Variants in DSG3 observed in about 807,000 individuals in gnomAD.
DSG3 encodes the protein desmoglein 3.
Under a neutral mutation model 85.9 loss-of-function variants are expected in DSG3, and 63 were observed. The observed-to-expected ratio is 0.73, with a 90% CI of 0.60 to 0.90. The LOEUF (loss-of-function observed/expected upper bound fraction) is 0.90, where lower values mean the gene tolerates loss of function less well. DSG3 is among the 40% of genes least tolerant of loss of function. The probability of loss-of-function intolerance (pLI) is 0.00; values close to 1 mark genes in which losing one functional copy is unlikely to be tolerated. For missense variants in DSG3, 1,220 were observed against 1,219.9 expected, an observed-to-expected ratio of 1.00 and a Z score of 0.00; for synonymous variants, 447 against 441.9, an observed-to-expected ratio of 1.01 and a Z score of -0.14.
chr18:31,456,625 TAAC>T (rs1444697209), intron 2 of DSG3, 150 bp downstream of exon 2: 7 of 432,098 alleles, frequency 1.6e-5, no homozygotes, highest in East Asian at 3.8e-5. Flanking sequence ...TAATAACTGA[TAAC>T]AATATTTTAA....
At position 31,461,300 on chromosome 18, in the gene DSG3, A is replaced by G. The variant is rs763582348; in HGVS notation, c.887A>G (p.Glu296Gly). 10 of 1,613,518 alleles carry G rather than the reference A, an allele frequency of 6.2e-6. No individual in the cohort carries two copies. The highest frequency in any genetic ancestry group is 6.8e-6 in the Non-Finnish European group (8 of 1,179,704). Residue 296 changes from glutamate (E) to glycine (G), a missense_variant, in exon 8 of 16, where the codon GAG (glutamate) becomes GGG (glycine). By Grantham distance (98) the Glu-to-Gly change is moderately conservative. Transcript: ENST00000257189. ...LRFQVTDLDE[E>G]YTDNWLAVYF... is the part of the protein sequence containing the mutation. ...TTTCAAGTAACAGATTTGGATGAAG[A>G]GTACACAGATAATTGGCTTGCAGTA...
chr18:31,461,379 T>C lies in DSG3; in HGVS notation c.966T>C (p.Pro322=), dbSNP rs1473642968. 1.2e-6 allele frequency: 2 copies of C among 1,613,578 alleles called. No homozygotes were observed. Among genetic ancestry groups the C allele is most frequent in the Non-Finnish European group, 1.7e-6 (2 of 1,179,808 alleles). The change falls in exon 8 of 16, where the codon CCT becomes CCC. Residue 322 remains proline (P), a synonymous_variant. Coordinates refer to ENST00000257189, the MANE Select transcript of DSG3 (RefSeq NM_001944.3). ...ATTGGTTTGAAATACAAACTGATCC[T>C]AGAACTAATGAAGGCATCCTGAAAG... The part of the protein sequence containing the change: ...EGNWFEIQTD[P]RTNEGILKVV...
At chr18:31,467,574 C>G (rs2072829971) in intron 11 of DSG3, among the ~76,000 whole-genome samples, 1 of 152,158 alleles carries the variant, frequency 6.6e-6, no homozygotes, top group South Asian at 2.1e-4. Flanking sequence ...CTAATTCATC[C>G]TTTCTCTTTC....
intron 11 of DSG3, among the ~76,000 whole-genome samples, chr18:31,468,422 G>C (rs958573862): frequency 6.6e-6 from 1 of 152,212 alleles, no homozygotes; most frequent in Admixed American, 6.5e-5. Context: ...AGGAGTACCT[G>C]ACTCTAAATG....
At chr18:31,450,173 A>T (rs1423138286) in intron 1 of DSG3, among the ~76,000 whole-genome samples, 1 of 152,234 alleles carries the variant, frequency 6.6e-6, no homozygotes, top group Non-Finnish European at 1.5e-5. Context: ...AGGCAGTGTC[A>T]GTCAGGAGAG....
rs555118940 is a variant in DSG3 at position 31,464,137 on chromosome 18, C to A, written c.1026C>A (p.Ser342Arg). ...CTCTAGATTATGAACAACTACAAAGCGTGAAACTTAGTATTGCTGTCAAAA... is the reference window on the plus strand; with the variant it reads ...CTCTAGATTATGAACAACTACAAAGAGTGAAACTTAGTATTGCTGTCAAAA... ...VKALDYEQLQ[S>R]VKLSIAVKNK... The change falls in exon 9 of 16, where the codon AGC (serine) becomes AGA (arginine). Residue 342 changes from serine to arginine, a missense_variant. Physicochemically the swap from Ser to Arg is moderately radical, Grantham distance 110. Coordinates refer to ENST00000257189, the MANE Select transcript of DSG3 (RefSeq NM_001944.3). The A allele has an allele frequency of 1.1e-5, 18 of 1,613,880 alleles. No individual in the cohort carries two copies. The Admixed American group carries it at 1.7e-4, about 15-fold the overall frequency.
chr18:31,456,879 C>A, intron 2 of DSG3, 114 bp from the exon 3 acceptor site: 1 of 1,017,896 alleles, frequency 9.8e-7, no homozygotes, highest in Non-Finnish European at 1.4e-6. Flanking sequence ...AGATACCTAA[C>A]AGTCTTAGTG....
At chr18:31,472,569 C>T (rs1308155313) in intron 13 of DSG3, 146 bp downstream of exon 13, 3 of 1,228,266 alleles carry the variant, frequency 2.4e-6, no homozygotes, top group Non-Finnish European at 2.3e-6. Flanking sequence ...AGGATTTTAG[C>T]TCTTCAGATG....
Position 31,476,003 on chromosome 18 carries a change from T to A in DSG3, c.2743T>A (p.Ser915Thr). The A allele has an allele frequency of 6.2e-7, 1 of 1,614,204 alleles. No homozygotes were observed. The highest frequency in any genetic ancestry group is 8.5e-7 in the Non-Finnish European group (1 of 1,180,038). The change falls in exon 16 of 16, where the codon TCT (serine) becomes ACT (threonine). Residue 915 changes from serine (S) to threonine (T), a missense_variant. Coordinates refer to ENST00000257189, the MANE Select transcript of DSG3 (RefSeq NM_001944.3). ...QGASALSTSG[S>T]VQPAVSIPDP... ...AGCTTCTGCTTTGTCCACCTCTGGG[T>A]CTGTCCAGCCAGCTGTTTCCATCCC...
At chr18:31,468,216 A>C (rs1208016694) in intron 11 of DSG3, among the ~76,000 whole-genome samples, 1 of 152,240 alleles carries the variant, frequency 6.6e-6, no homozygotes, top group Non-Finnish European at 1.5e-5. Context: ...GGCCATCACC[A>C]CAAGGAAATC....
Position 31,476,372 on chromosome 18 carries a change from T to C in DSG3, c.*112T>C. ...GGCTAATAATTTGGCACTTATTAGC[T>C]TCTCTCATAAACTGATCACGATTAT... is the stretch of plus-strand genomic sequence containing the variant. On this transcript the variant is annotated 3_prime_UTR_variant, in exon 16 of 16. Coordinates refer to ENST00000257189, the MANE Select transcript of DSG3 (RefSeq NM_001944.3). 7.8e-7 allele frequency: 1 copy of C among 1,287,320 alleles called. No homozygotes were observed. Among genetic ancestry groups the C allele is most frequent in the Non-Finnish European group, 1.1e-6 (1 of 936,390 alleles). 79.7% of individuals were successfully genotyped at this position (1,287,320 alleles called of 1,614,324 possible).
intron 1 of DSG3, among the ~76,000 whole-genome samples, chr18:31,452,551 T>C (rs973129546): frequency 5.6e-4 from 84 of 150,274 alleles, no homozygotes; most frequent in Middle Eastern, 3.5e-3. Context: ...AAAAAGCTCT[T>C]TTATGCCTCT....
Position 31,447,942 on chromosome 18 carries a change from C to A in DSG3, c.48+17C>A. The stretch of plus-strand genomic sequence containing the variant: ...ATCTTCGTGGTAAGTCCTGGATTTT[C>A]CTAATAATCACAAACTTCCCTGCTT... On this transcript the variant is annotated intron_variant, in intron 1 of 15. Coordinates refer to ENST00000257189, the MANE Select transcript of DSG3 (RefSeq NM_001944.3). 1 of 1,541,074 alleles carries A rather than the reference C, an allele frequency of 6.5e-7. No homozygotes were observed. Among genetic ancestry groups the A allele is most frequent in the Non-Finnish European group, 8.7e-7 (1 of 1,146,558 alleles).
At position 31,475,666 on chromosome 18, in the gene DSG3, G is replaced by A. The variant is rs141813094; in HGVS notation, c.2406G>A (p.Glu802=). The A allele has an allele frequency of 1.4e-4, 222 of 1,613,948 alleles. No individual in the cohort carries two copies. Among genetic ancestry groups the A allele is most frequent in the Non-Finnish European group, 1.8e-4 (208 of 1,180,028 alleles). Residue 802 remains glutamate, a synonymous_variant, in exon 16 of 16, where the codon GAG becomes GAA. Coordinates refer to ENST00000257189, the MANE Select transcript of DSG3 (RefSeq NM_001944.3). The stretch of plus-strand genomic sequence containing the variant: ...CTTAGAAAGCATTTGCCTGTGCGGA[G>A]GAAGACGATGGCCAGGAAGCAAATG... The part of the protein sequence containing the change: ...YFSQKAFACA[E]EDDGQEANDC...
intron 1 of DSG3, among the ~76,000 whole-genome samples, chr18:31,450,993 C>T (rs1259406685): frequency 6.6e-6 from 1 of 151,890 alleles, no homozygotes; most frequent in Admixed American, 6.6e-5. Flanking sequence ...AAACAGTTGT[C>T]GTATCAATTT....
intron 8 of DSG3, 101 bp from the exon 9 acceptor site, chr18:31,464,010 G>T (rs777020813): frequency 7.2e-6 from 8 of 1,114,192 alleles, no homozygotes; most frequent in South Asian, 3.2e-5. Context: ...AAAAACAAGA[G>T]AATTCATTCA....
intron 12 of DSG3, among the ~76,000 whole-genome samples, chr18:31,469,760 G>A (rs1424396269): frequency 6.6e-6 from 1 of 152,008 alleles, no homozygotes; most frequent in Non-Finnish European, 1.5e-5. Flanking sequence ...AACAAAGTTA[G>A]GGAAATACAA....
intron 3 of DSG3, among the ~76,000 whole-genome samples, chr18:31,457,594 TTCTTTCTTTCTTTCTTTCTTTCTTTC>T (rs2072755840): frequency 2.2e-5 from 1 of 44,812 alleles, no homozygotes; most frequent in Non-Finnish European, 4.6e-5. Context: ...TCTTCTTTCT[TTCTTTCTTTCTTTCTTTCTTTCTTTC>T]TTTCTTTCTT....
chr18:31,466,804 T>C (rs1432073094), intron 11 of DSG3, 50 bp downstream of exon 11: 1 of 1,509,170 alleles, frequency 6.6e-7, no homozygotes, highest in Admixed American at 1.7e-5. Flanking sequence ...TCCTTTGTAT[T>C]TCCAGAAGAA....
Sources: allele counts gnomAD v4.1 joint callset (sites outside exome capture counted in the v4.1 genomes callset), GRCh38; gene constraint gnomAD v4.1.1; transcripts MANE v1.5; gene names NCBI Gene and HGNC (gene_info 2026-07-23, HGNC 2026-07-21).